CFHR5: variants seen among roughly 807,000 people sequenced by gnomAD.
The protein encoded by CFHR5 is complement factor H-related protein 5.
A neutral mutation model predicts 62.9 loss-of-function variants in CFHR5; 73 were observed. The observed-to-expected ratio is 1.16, with a 90% CI of 0.96 to 1.41. CFHR5 has a LOEUF of 1.41. Ranked by LOEUF, CFHR5 falls within the 40% of genes most tolerant of loss-of-function variation. The pLI, the probability that CFHR5 is intolerant of heterozygous loss-of-function variation, is 0.00. For synonymous variants in CFHR5, 249 were observed against 227.2 expected (o/e 1.10, Z -0.86); for missense variants, 779 against 679.9 (o/e 1.15, Z -1.62).
At chr1:196,995,142 A>G (rs1653956083) in intron 4 of CFHR5, among the ~76,000 whole-genome samples, 1 of 152,174 alleles carries the variant, frequency 6.6e-6, no homozygotes, top group African/African-American at 2.4e-5. Context: ...TTTGATAACT[A>G]TTTACTTTTA....
intron 9 of CFHR5, among the ~76,000 whole-genome samples, chr1:197,006,787 T>C (rs1654299980): frequency 6.6e-6 from 1 of 151,960 alleles, no homozygotes; most frequent in African/African-American, 2.4e-5. Flanking sequence ...TTGAATGAAG[T>C]AGGGAGCCAT....
intron 9 of CFHR5, 101 bp downstream of exon 9, chr1:197,004,944 T>A: frequency 2.2e-6 from 2 of 928,812 alleles, no homozygotes; most frequent in South Asian, 1.5e-5. Flanking sequence ...TTTCATTCAG[T>A]CAAAATCTTT....
intron 5 of CFHR5, 49 bp from the exon 6 acceptor site, chr1:196,995,973 G>C: frequency 6.3e-7 from 1 of 1,599,456 alleles, no homozygotes; most frequent in Non-Finnish European, 8.6e-7. Context: ...CATGTAAACA[G>C]ATTTAAAATA....
chr1:196,982,837 CG>C, intron 1 of CFHR5, 47 bp from the exon 2 acceptor site: 1 of 1,515,462 alleles, frequency 6.6e-7, no homozygotes, highest in Non-Finnish European at 9.2e-7. Flanking sequence ...AGTGATTCAT[CG>C]ATGTAGCTCT....
intron 7 of CFHR5, among the ~76,000 whole-genome samples, chr1:197,001,380 T>C (rs1209998312): frequency 6.6e-6 from 1 of 152,098 alleles, no homozygotes; most frequent in African/African-American, 2.4e-5. Flanking sequence ...CAGGTTCTGT[T>C]CAAATAATTT....
At chr1:197,008,310 C>T (rs927685708) in intron 9 of CFHR5, among the ~76,000 whole-genome samples, 177 bp from the exon 10 acceptor site, 3 of 151,440 alleles carry the variant, frequency 2.0e-5, no homozygotes, top group Non-Finnish European at 4.4e-5. Context: ...ATATGTAGCC[C>T]ATACACAGTG....
chr1:197,001,528 AT>A lies in CFHR5; in HGVS notation c.1148-944del, dbSNP rs900993660. Among the ~76,000 whole-genome samples, 281 of 150,422 alleles carry A rather than the reference AT, an allele frequency of 1.9e-3. 1 individual carries two copies. Among genetic ancestry groups the A allele is most frequent in the East Asian group, 7.2e-3 (37 of 5,140 alleles). ...AAAAAATAGCACTTTCAATGCAATA[AT>A]TTTTTTTTTCACTGAATATGTTTTT... On this transcript the variant is annotated intron_variant, in intron 7 of 9. Coordinates refer to ENST00000256785, the MANE Select transcript of CFHR5 (RefSeq NM_030787.4).
Position 197,009,500 on chromosome 1 carries a change from G to A in CFHR5, c.*817G>A, listed in dbSNP as rs1442437453. 4 of 152,176 alleles carry A rather than the reference G, an allele frequency of 2.6e-5. No individual in the cohort carries two copies. The highest frequency in any genetic ancestry group is 2.6e-4 in the Admixed American group (4 of 15,272). The allele number at this position is 152,176 out of a possible 1,614,324, so 9.4% of individuals were successfully genotyped here. On this transcript the variant is annotated 3_prime_UTR_variant, in exon 10 of 10. Transcript: ENST00000256785. ...TTAACGTTATTTAAAAGGAAATGTA[G>A]ATGTTATTTTAGTCTCTATCTTCAT...
At chr1:196,998,013 TTA>T (rs1654038932) in intron 6 of CFHR5, 113 bp from the exon 7 acceptor site, 3 of 690,220 alleles carry the variant, frequency 4.3e-6, no homozygotes, top group Non-Finnish European at 7.3e-6. Context: ...TGCAATGAGA[TTA>T]AGAATAAGTT....
intron 1 of CFHR5, among the ~76,000 whole-genome samples, chr1:196,978,982 A>G (rs1653467342): frequency 6.6e-6 from 1 of 152,158 alleles, no homozygotes; most frequent in Admixed American, 6.5e-5. Context: ...ATGACCTGTA[A>G]GTGTGCATTA....
In CFHR5 at chr1:196,995,748, A is replaced by G. The variant is rs1362628613; in HGVS notation, c.639A>G (p.Gln213=). 6.2e-6 allele frequency: 10 copies of G among 1,613,264 alleles called. No individual in the cohort carries two copies. The highest frequency in any genetic ancestry group is 1.3e-5 in the African/African-American group (1 of 74,866). The part of the protein sequence containing the change: ...GQVRSCGPPP[Q]LSNGEVKEIR... The stretch of plus-strand genomic sequence containing the variant: ...TACGATCATGTGGTCCACCTCCTCA[A>G]CTCTCCAATGGTGAAGTTAAGGAGA... The change falls in exon 5 of 10, where the codon CAA becomes CAG. Residue 213 remains glutamine (Q), a synonymous_variant. Coordinates refer to ENST00000256785, the MANE Select transcript of CFHR5 (RefSeq NM_030787.4).
At chr1:196,994,355 A>G (rs1246951580) in intron 4 of CFHR5, 99 bp downstream of exon 4, 1 of 1,017,208 alleles carries the variant, frequency 9.8e-7, no homozygotes, top group African/African-American at 1.6e-5. Flanking sequence ...TAATCTGACA[A>G]AGTGGTAAAA....
chr1:197,008,876 G>T lies in CFHR5; in HGVS notation c.*193G>T. On this transcript the variant is annotated 3_prime_UTR_variant, in exon 10 of 10. Transcript: ENST00000256785. ...GAACAATGTTTCACTTAATAGGAGG[G>T]TGTCTTAGTCCATATTACATTGTTA... The T allele has an allele frequency of 3.4e-6, 2 of 583,890 alleles. No individual in the cohort carries two copies. The highest frequency in any genetic ancestry group is 5.3e-5 in the Admixed American group (2 of 37,478). 36.2% of individuals were successfully genotyped at this position (583,890 alleles called of 1,614,324 possible). A position where few individuals can be genotyped will look rare whatever the true frequency, so the allele number is the denominator to read the frequency against.
chr1:196,984,106 C>T lies in CFHR5; in HGVS notation c.399C>T (p.Gly133=). ...NEKNISCVER[G]WSTPPICSFT... ...AAAACATTTCGTGTGTAGAACGGGG[C>T]TGGTCCACTCCTCCCATATGCAGCT... Residue 133 remains glycine, a synonymous_variant, in exon 3 of 10, where the codon GGC becomes GGT. Transcript: ENST00000256785. The T allele has an allele frequency of 6.2e-7, 1 of 1,612,292 alleles. No individual in the cohort carries two copies. The highest frequency in any genetic ancestry group is 1.3e-5 in the African/African-American group (1 of 74,518).
intron 8 of CFHR5, among the ~76,000 whole-genome samples, chr1:197,003,923 C>T (rs1558290773): frequency 6.6e-6 from 1 of 152,026 alleles, no homozygotes; most frequent in South Asian, 2.1e-4. Context: ...GGATCTTTTA[C>T]AAGTTTAAAG....
At chr1:196,986,435 AG>A (rs2125028743) in intron 3 of CFHR5, among the ~76,000 whole-genome samples, 1 of 152,244 alleles carries the variant, frequency 6.6e-6, no homozygotes, top group South Asian at 2.1e-4. Context: ...TTTGTTACAT[AG>A]GTATACATGT....
In CFHR5 at chr1:196,998,157, G is replaced by A. The variant is rs1654042752; in HGVS notation, c.1000G>A (p.Ala334Thr). ...ATHQLKRCKI[A>T]GVNIKTLLKL... ...ACACCAACTTAAGAGGTGCAAAATA[G>A]CAGGAGTTAATATAAAAACATTACT... The change falls in exon 7 of 10, where the codon GCA becomes ACA. Residue 334 changes from alanine to threonine, a missense_variant. Coordinates refer to ENST00000256785, the MANE Select transcript of CFHR5 (RefSeq NM_030787.4). 6.4e-7 allele frequency: 1 copy of A among 1,569,264 alleles called. No homozygotes were observed. The highest frequency in any genetic ancestry group is 8.7e-7 in the Non-Finnish European group (1 of 1,154,704).
chr1:196,994,156 C>A lies in CFHR5; in HGVS notation c.507C>A (p.Asp169Glu). 1 of 1,613,008 alleles carries A rather than the reference C, an allele frequency of 6.2e-7. No homozygotes were observed. The highest frequency in any genetic ancestry group is 8.5e-7 in the Non-Finnish European group (1 of 1,179,338). The stretch of plus-strand genomic sequence containing the variant: ...AAAAAGAAAGCTACAAAGTTGGAGA[C>A]GTGTTGAAATTCTCCTGCAGAAAAA... Reference protein sequence around the residue: ...QPKKESYKVGDVLKFSCRKNL... With the variant: ...QPKKESYKVGEVLKFSCRKNL... The change falls in exon 4 of 10, where the codon GAC becomes GAA. Residue 169 changes from aspartate to glutamate, a missense_variant. Physicochemically the swap from Asp to Glu is conservative, Grantham distance 45 (BLOSUM62 2). Coordinates refer to ENST00000256785, the MANE Select transcript of CFHR5 (RefSeq NM_030787.4).
chr1:197,004,944 T>G, intron 9 of CFHR5, 101 bp downstream of exon 9: 1 of 928,812 alleles, frequency 1.1e-6, no homozygotes, highest in Non-Finnish European at 1.7e-6. Flanking sequence ...TTTCATTCAG[T>G]CAAAATCTTT....
Sources: allele counts gnomAD v4.1 joint callset (sites outside exome capture counted in the v4.1 genomes callset), GRCh38; gene constraint gnomAD v4.1.1; transcripts MANE v1.5; gene names NCBI Gene and HGNC (gene_info 2026-07-23, HGNC 2026-07-21).